The following ATRNL1 variants were observed in gnomAD, a reference collection of about 807,000 sequenced individuals.
ATRNL1 encodes the protein attractin like 1.
A neutral mutation model predicts 182.7 loss-of-function variants in ATRNL1; 95 were observed. That is an observed-to-expected ratio of 0.52 (90% CI 0.44 to 0.62). The LOEUF is 0.62. Ranked by LOEUF, ATRNL1 falls within the 20% of genes least tolerant of loss-of-function variation. ATRNL1 has a pLI of 0.00. For missense variants in ATRNL1, 1,471 were observed against 1,679.5 expected (o/e 0.88, Z 2.17); for synonymous variants, 576 against 568.3 (o/e 1.01, Z -0.19).
chr10:115,478,987 G>A (rs1026330053), intron 24 of ATRNL1, among the ~76,000 whole-genome samples: 4 of 151,298 alleles, frequency 2.6e-5, no homozygotes, highest in Admixed American at 6.6e-5. Flanking sequence ...TGCCAATCAA[G>A]CAATTATTAT....
intron 24 of ATRNL1, among the ~76,000 whole-genome samples, chr10:115,504,725 A>G (rs1321531461): frequency 6.6e-6 from 1 of 152,090 alleles, no homozygotes; most frequent in African/African-American, 2.4e-5. Flanking sequence ...CTTAAGTTAA[A>G]TAAACTTGAA....
At chr10:115,281,524 C>A in intron 14 of ATRNL1, 37 bp downstream of exon 14, 2 of 1,593,506 alleles carry the variant, frequency 1.3e-6, no homozygotes, top group South Asian at 2.3e-5. Context: ...AGTTTATGGT[C>A]TACAGATAAA....
chr10:115,798,434 C>A (rs1200030919), intron 27 of ATRNL1, among the ~76,000 whole-genome samples: 1 of 152,182 alleles, frequency 6.6e-6, no homozygotes, highest in Non-Finnish European at 1.5e-5. Flanking sequence ...GAGCTCAAGT[C>A]TCAAACATAA....
chr10:115,887,780 C>G (rs1951984156), intron 28 of ATRNL1, among the ~76,000 whole-genome samples: 1 of 151,794 alleles, frequency 6.6e-6, no homozygotes, highest in East Asian at 1.9e-4. Context: ...CCCCCCATAT[C>G]TAATTTATCA....
At chr10:115,748,464 C>A (rs1280867568) in intron 27 of ATRNL1, among the ~76,000 whole-genome samples, 2 of 149,572 alleles carry the variant, frequency 1.3e-5, no homozygotes, top group African/African-American at 4.9e-5. Context: ...ATAAATAAAT[C>A]TTTATGATCA....
chr10:115,822,517 AATAG>A (rs1449257185), intron 27 of ATRNL1, among the ~76,000 whole-genome samples: 4 of 152,322 alleles, frequency 2.6e-5, no homozygotes, highest in African/African-American at 4.8e-5. Context: ...AGATTAACAA[AATAG>A]ATAGGCCACT....
chr10:115,219,755 T>C (rs1849374206), intron 9 of ATRNL1, among the ~76,000 whole-genome samples: 1 of 151,982 alleles, frequency 6.6e-6, no homozygotes, highest in Admixed American at 6.6e-5. Context: ...ATACAAAAGT[T>C]AGCCAGGCAT....
intron 26 of ATRNL1, among the ~76,000 whole-genome samples, chr10:115,692,473 T>C (rs1555048496): frequency 6.6e-6 from 1 of 152,054 alleles, no homozygotes; most frequent in Non-Finnish European, 1.5e-5. Context: ...CAGGTGAAGG[T>C]CGCTGCATTA....
chr10:115,352,020 G>C (rs1343999240), intron 19 of ATRNL1, among the ~76,000 whole-genome samples: 3 of 151,864 alleles, frequency 2.0e-5, no homozygotes, highest in African/African-American at 7.3e-5. Context: ...TAGTTTTTCT[G>C]TTTCTTCATG....
chr10:115,870,419 G>A (rs1181005630), intron 28 of ATRNL1, among the ~76,000 whole-genome samples: 2 of 152,194 alleles, frequency 1.3e-5, no homozygotes, highest in Non-Finnish European at 2.9e-5. Flanking sequence ...TGAAGGGCCA[G>A]GTAGCAAAGT....
chr10:115,232,061 T>G, intron 9 of ATRNL1, among the ~76,000 whole-genome samples: 1 of 152,178 alleles, frequency 6.6e-6, no homozygotes, highest in East Asian at 1.9e-4. Flanking sequence ...TTTACTATTA[T>G]GAGCAATTGT....
intron 8 of ATRNL1, among the ~76,000 whole-genome samples, chr10:115,191,020 T>C (rs1462496038): frequency 6.6e-6 from 1 of 152,112 alleles, no homozygotes; most frequent in African/African-American, 2.4e-5. Flanking sequence ...CCCTTCAGTT[T>C]CATCCGTGTT....
chr10:115,879,530 G>A (rs1951779130), intron 28 of ATRNL1, among the ~76,000 whole-genome samples: 2 of 152,102 alleles, frequency 1.3e-5, no homozygotes, highest in South Asian at 4.1e-4. Context: ...TGTAGACTCA[G>A]TGAGTCTGTA....
intron 26 of ATRNL1, among the ~76,000 whole-genome samples, chr10:115,689,149 A>G (rs1184291116): frequency 6.6e-6 from 1 of 152,068 alleles, no homozygotes; most frequent in Non-Finnish European, 1.5e-5. Flanking sequence ...ACTCTGTTCT[A>G]TGGGTCTATG....
chr10:115,582,214 C>A (rs11197308), intron 26 of ATRNL1, among the ~76,000 whole-genome samples: 1 of 111,754 alleles, frequency 8.9e-6, no homozygotes, highest in East Asian at 6.7e-4. Flanking sequence ...TACGTGTGCA[C>A]GTGTCTTTAT....
chr10:115,714,343 T>A (rs2134025742), intron 26 of ATRNL1, among the ~76,000 whole-genome samples: 2 of 147,532 alleles, frequency 1.4e-5, no homozygotes, highest in South Asian at 4.3e-4. Context: ...AAAAAAAAAC[T>A]CAGCAAAGTG....
intron 26 of ATRNL1, among the ~76,000 whole-genome samples, chr10:115,631,493 G>A (rs1555026415): frequency 6.6e-6 from 1 of 152,048 alleles, no homozygotes; most frequent in Non-Finnish European, 1.5e-5. Flanking sequence ...GCTATCATAT[G>A]TAATATGTTT....
Position 115,822,775 on chromosome 10 carries a change from C to T in ATRNL1, c.3904-25102C>T, listed in dbSNP as rs138120667. 8.1e-3 allele frequency among the ~76,000 whole-genome samples: 1,232 copies of T among 152,046 alleles called. 13 individuals carry two copies. Among genetic ancestry groups the T allele is most frequent in the African/African-American group, 0.026 (1,085 of 41,478 alleles). On this transcript the variant is annotated intron_variant, in intron 27 of 28. Transcript: ENST00000355044. The stretch of plus-strand genomic sequence containing the variant: ...ATAGACCAATAACAAGTTCTGAAAT[C>T]GAGGCAGTAACTAATAGCCTACCAA...
chr10:115,374,247 T>G (rs1392188747), intron 19 of ATRNL1, among the ~76,000 whole-genome samples: 2 of 151,778 alleles, frequency 1.3e-5, no homozygotes, highest in Non-Finnish European at 3.0e-5. Flanking sequence ...GTTTTCTTAG[T>G]TTAGTTAATG....
Sources: gnomAD v4.1 joint callset for allele counts (sites outside exome capture counted in the v4.1 genomes callset) on GRCh38, gnomAD v4.1.1 for gene constraint, MANE v1.5 for transcripts, NCBI Gene and HGNC (gene_info 2026-07-23, HGNC 2026-07-21) for gene names.